The following GOLGA3 variants were observed in gnomAD, a reference collection of about 807,000 sequenced individuals.
GOLGA3 encodes golgin A3.
A neutral mutation model predicts 169.4 loss-of-function variants in GOLGA3; 75 were observed. That is an observed-to-expected ratio of 0.44 (90% confidence interval 0.37 to 0.54). GOLGA3 has a LOEUF of 0.54. Among genes scored for constraint, GOLGA3 ranks in the 20% least tolerant of loss-of-function variants. The pLI, the probability that GOLGA3 is intolerant of heterozygous loss-of-function variation, is 0.00. For missense variants in GOLGA3, 1,899 were observed against 1,930.0 expected (o/e 0.98, Z 0.30); for synonymous variants, 824 against 822.4 (o/e 1.00, Z -0.03).
At chr12:132,779,838 C>G (rs112744026) in intron 18 of GOLGA3, among the ~76,000 whole-genome samples, 1 of 108,872 alleles carries the variant, frequency 9.2e-6, no homozygotes, top group Non-Finnish European at 1.9e-5. Context: ...AGCCCTTGCA[C>G]GGACACCCCC....
upstream of GOLGA3, chr12:132,828,953 C>T (rs1950536761): frequency 6.6e-6 from 1 of 152,306 alleles, no homozygotes; most frequent in African/African-American, 2.4e-5. Context: ...AGAACGTCCT[C>T]CTCTTCTTCA....
intron 23 of GOLGA3, among the ~76,000 whole-genome samples, chr12:132,773,873 T>C (rs1207392113): frequency 2.2e-5 from 2 of 92,868 alleles, no homozygotes; most frequent in Admixed American, 2.8e-4. Flanking sequence ...AGGCTGTGAG[T>C]CCCTCCCCCT....
Position 132,770,501 on chromosome 12 carries a change from C to T in GOLGA3, c.*2604G>A, listed in dbSNP as rs927652496. On this transcript the variant is annotated 3_prime_UTR_variant, in exon 24 of 24. Transcript: ENST00000450791. ...TGAGAACATAGAGCTACTTTTCCTT[C>T]GGTATTTTCAGAATTAGTCTGTCCT... is the stretch of plus-strand genomic sequence containing the variant. The T allele has an allele frequency of 6.6e-6, 1 of 151,984 alleles. No individual in the cohort carries two copies. The highest frequency in any genetic ancestry group is 2.4e-5 in the African/African-American group (1 of 41,362). The allele number at this position is 151,984 out of a possible 1,614,324, so 9.4% of individuals were successfully genotyped here.
chr12:132,804,786 C>G lies in GOLGA3; in HGVS notation c.1527G>C (p.Glu509Asp). Residue 509 changes from glutamate to aspartate, a missense_variant, in exon 7 of 24, where the codon GAG becomes GAC. Coordinates refer to ENST00000450791, the MANE Select transcript of GOLGA3 (RefSeq NM_001389683.1). The surrounding 1 kb of genome is among the most constrained non-coding windows in gnomAD (Gnocchi z 4.1). ...TGGCCATAAGCCTCTGGTACTGCTCCTCGGCCACCTGCAAGTCGTTGTTGG... is the reference window on the plus strand; with the variant it reads ...TGGCCATAAGCCTCTGGTACTGCTCGTCGGCCACCTGCAAGTCGTTGTTGG... ...ASSNNDLQVA[E>D]EQYQRLMAKV... The G allele has an allele frequency of 1.2e-6, 2 of 1,614,232 alleles. No individual in the cohort carries two copies. The highest frequency in any genetic ancestry group is 1.7e-6 in the Non-Finnish European group (2 of 1,180,036).
Position 132,795,997 on chromosome 12 carries a change from T to A in GOLGA3, c.2324A>T (p.Lys775Met). ...CTGCAAAGCCGCCTCCAAGATGATC[T>A]TCTCGTTCTGCAGGAGGCAGATCGT... ...EDTICLLQNE[K>M]IILEAALQAA... is the part of the protein sequence containing the mutation. The change falls in exon 11 of 24, where the codon AAG becomes ATG. Residue 775 changes from lysine to methionine, a missense_variant. Transcript: ENST00000450791. 1 of 1,613,586 alleles carries A rather than the reference T, an allele frequency of 6.2e-7. No homozygotes were observed. The highest frequency in any genetic ancestry group is 8.5e-7 in the Non-Finnish European group (1 of 1,180,038).
At chr12:132,773,443 GTTCT>G in intron 23 of GOLGA3, 149 bp from the exon 24 acceptor site, 15 of 448,114 alleles carry the variant, frequency 3.3e-5, no homozygotes, top group South Asian at 9.4e-5. Flanking sequence ...AAGCTCAGCT[GTTCT>G]CAGCACCGTT....
intron 1 of GOLGA3, among the ~76,000 whole-genome samples, chr12:132,822,659 C>A (rs1316075582): frequency 6.6e-6 from 1 of 152,050 alleles, no homozygotes; most frequent in African/African-American, 2.4e-5. Flanking sequence ...GGTGGCTCAC[C>A]CCTGTAATCC....
intron 4 of GOLGA3, among the ~76,000 whole-genome samples, chr12:132,812,965 GT>G (rs1198418687): frequency 6.6e-6 from 1 of 152,192 alleles, no homozygotes; most frequent in African/African-American, 2.4e-5. Flanking sequence ...GGGTACATCA[GT>G]TTTATTTAGA....
rs540458037 is a variant in GOLGA3 at position 132,808,383 on chromosome 12, G to A, written c.686C>T (p.Pro229Leu). The change falls in exon 5 of 24, where the codon CCG becomes CTG. Residue 229 changes from proline to leucine, a missense_variant. Transcript: ENST00000450791. ...RGPKVGSLGL[P>L]AHPREKKTSK... is the part of the protein sequence containing the mutation. Reference sequence around the variant, plus strand: ...AGTTTTTTTCTCCCTAGGATGTGCCGGAAGCCCCAGGCTGCCCACCTTAGG... The same window carrying A: ...AGTTTTTTTCTCCCTAGGATGTGCCAGAAGCCCCAGGCTGCCCACCTTAGG... The A allele has an allele frequency of 1.3e-5, 21 of 1,614,014 alleles. No individual in the cohort carries two copies. Among genetic ancestry groups the A allele is most frequent in the South Asian group, 4.4e-5 (4 of 91,066 alleles).
chr12:132,786,116 C>T (rs2045882823), intron 15 of GOLGA3, among the ~76,000 whole-genome samples: 1 of 152,254 alleles, frequency 6.6e-6, no homozygotes, highest in East Asian at 1.9e-4. Context: ...ATCAGGTGAA[C>T]GCCACAGGCC....
At position 132,781,925 on chromosome 12, in the gene GOLGA3, GCCC is replaced by G. The variant is rs1279628280; in HGVS notation, c.3465+368_3465+370del. On this transcript the variant is annotated intron_variant, in intron 17 of 23. Transcript: ENST00000450791. The stretch of plus-strand genomic sequence containing the variant: ...GTCTACCCCTCAACTAAGCAGGTCT[GCCC>G]CCCAACTAAGCAGGTCTGCCCCCCG... 4.0e-5 allele frequency among the ~76,000 whole-genome samples: 6 copies of G among 148,640 alleles called. No individual in the cohort carries two copies. The East Asian group carries it at 9.7e-4, about 24-fold the overall frequency.
chr12:132,792,704 G>A lies in GOLGA3; in HGVS notation c.2470-1411C>T, dbSNP rs149247977. ...GACCCACCACACGGGATCTGCACTC[G>A]GAGGGCTCCACACGGACCGACCGCA... On this transcript the variant is annotated intron_variant, in intron 11 of 23. Coordinates refer to ENST00000450791, the MANE Select transcript of GOLGA3 (RefSeq NM_001389683.1). Among the ~76,000 whole-genome samples the A allele has an allele frequency of 6.1e-4, 85 of 139,734 alleles. No homozygotes were observed. In the East Asian group the frequency reaches 0.017, roughly 28 times the overall value. The allele number at this position is 139,734 out of a possible 152,430, so 91.7% of individuals were successfully genotyped here. A position where few individuals can be genotyped will look rare whatever the true frequency, so the allele number is the denominator to read the frequency against.
chr12:132,798,276 C>T, intron 9 of GOLGA3, 64 bp downstream of exon 9: 18 of 1,454,722 alleles, frequency 1.2e-5, no homozygotes, highest in South Asian at 2.5e-5. Context: ...TGTAAGAAAA[C>T]ACACATGGTA....
chr12:132,789,004 G>T, intron 13 of GOLGA3, 23 bp downstream of exon 13: 1 of 1,319,390 alleles, frequency 7.6e-7, no homozygotes, highest in Non-Finnish European at 1.0e-6. Flanking sequence ...CCCATCAAAT[G>T]AGTCAACCCG....
intron 8 of GOLGA3, among the ~76,000 whole-genome samples, chr12:132,799,134 C>T (rs547048199): frequency 3.3e-5 from 5 of 152,302 alleles, no homozygotes; most frequent in African/African-American, 9.6e-5. Flanking sequence ...CAGTGCGAGA[C>T]GTGACAGAAG....
At chr12:132,801,706 G>A in intron 8 of GOLGA3, 61 bp downstream of exon 8, 1 of 1,465,108 alleles carries the variant, frequency 6.8e-7, no homozygotes, top group Non-Finnish European at 9.4e-7. Flanking sequence ...TCAGGAAAAA[G>A]CACCGTTCTA....
intron 14 of GOLGA3, 67 bp downstream of exon 14, chr12:132,786,626 G>T: frequency 6.4e-7 from 1 of 1,556,350 alleles, no homozygotes; most frequent in Non-Finnish European, 8.8e-7. Context: ...ATTCTGGTTC[G>T]CCTCCCCCCC....
intron 17 of GOLGA3, among the ~76,000 whole-genome samples, 198 bp downstream of exon 17, chr12:132,782,098 C>T (rs536317185): frequency 3.3e-5 from 5 of 152,170 alleles, no homozygotes; most frequent in Admixed American, 2.6e-4. Flanking sequence ...TTCCTCCCCT[C>T]GGAGAGCCCA....
chr12:132,789,029 G>A lies in GOLGA3; in HGVS notation c.2809C>T (p.Gln937Ter). Residue 937 changes from glutamine (Q) to a stop codon, truncating the protein, a stop_gained and splice_region_variant, in exon 13 of 24, where the codon CAG (glutamine) becomes TAG (stop). Coordinates refer to ENST00000450791, the MANE Select transcript of GOLGA3 (RefSeq NM_001389683.1). LOFTEE classifies it high-confidence loss of function. ...KERDEMETHL[Q>*]SLQFDKEQMV... is the part of the protein sequence containing the mutation. ...GAGTCAACCCGACACGGACAGACCT[G>A]CAAGTGTGTTTCCATCTCGTCTCGC... 6.5e-7 allele frequency: 1 copy of A among 1,536,412 alleles called. No individual in the cohort carries two copies. Among genetic ancestry groups the A allele is most frequent in the Non-Finnish European group, 8.8e-7 (1 of 1,134,072 alleles).
Sources: gnomAD v4.1 joint callset for allele counts (sites outside exome capture counted in the v4.1 genomes callset) on GRCh38, gnomAD v4.1.1 for gene constraint, Gnocchi (gnomAD v3.1) non-coding constraint, MANE v1.5 for transcripts, NCBI Gene and HGNC (gene_info 2026-07-23, HGNC 2026-07-21) for gene names.